The following LRP12 variants were observed in gnomAD, a reference collection of about 807,000 sequenced individuals.
LRP12 encodes low-density lipoprotein receptor-related protein 12.
LRP12 carries 14 observed loss-of-function variants against 66.0 expected under a neutral mutation model. The ratio of observed to expected loss-of-function variants is 0.21; its 90% CI spans 0.14 to 0.33. LRP12 has a LOEUF of 0.33. Ranked by LOEUF, LRP12 falls within the 10% of genes least tolerant of loss-of-function variation. LRP12 has a pLI of 1.00. For missense variants in LRP12, 889 were observed against 1,053.4 expected (o/e 0.84, Z 2.16); for synonymous variants, 357 against 359.1 (o/e 0.99, Z 0.07).
At chr8:104,513,110 A>C (rs1009501313) in intron 2 of LRP12, among the ~76,000 whole-genome samples, 2 of 152,212 alleles carry the variant, frequency 1.3e-5, no homozygotes, top group African/African-American at 4.8e-5. Flanking sequence ...GTAGACAAAT[A>C]TGCTGTAGCA....
At chr8:104,535,661 A>T (rs1056821792) in intron 1 of LRP12, among the ~76,000 whole-genome samples, 31 of 152,166 alleles carry the variant, frequency 2.0e-4, no homozygotes, top group African/African-American at 7.0e-4. Context: ...CAAATGAGAA[A>T]ACCAAAGCTT....
intron 1 of LRP12, among the ~76,000 whole-genome samples, chr8:104,534,049 G>A (rs1811362492): frequency 7.3e-6 from 1 of 137,002 alleles, no homozygotes; most frequent in Non-Finnish European, 1.5e-5. Context: ...ATAGGGCTTA[G>A]TGAAATTCTT....
intron 2 of LRP12, among the ~76,000 whole-genome samples, chr8:104,518,693 C>T (rs967221579): frequency 6.6e-6 from 1 of 152,028 alleles, no homozygotes; most frequent in Admixed American, 6.6e-5. Flanking sequence ...ACAGGCAGAA[C>T]TGACCAGCTT....
At chr8:104,584,409 C>G (rs992544559) in intron 1 of LRP12, among the ~76,000 whole-genome samples, 2 of 151,796 alleles carry the variant, frequency 1.3e-5, no homozygotes, top group Non-Finnish European at 2.9e-5. Context: ...AACAACATCT[C>G]ATATCAGAAA....
chr8:104,492,566 T>C (rs1390877909), intron 6 of LRP12, among the ~76,000 whole-genome samples: 1 of 152,138 alleles, frequency 6.6e-6, no homozygotes, highest in African/African-American at 2.4e-5. Flanking sequence ...ACCTCTTCCC[T>C]TTCCCCTCAC....
chr8:104,527,670 T>C (rs1395886671), intron 2 of LRP12, among the ~76,000 whole-genome samples: 1 of 151,912 alleles, frequency 6.6e-6, no homozygotes, highest in Admixed American at 6.6e-5. Flanking sequence ...CATCACACTC[T>C]GGGGACTGTT....
At chr8:104,514,383 CTTA>C (rs1564133083) in intron 2 of LRP12, among the ~76,000 whole-genome samples, 2 of 151,798 alleles carry the variant, frequency 1.3e-5, no homozygotes, top group African/African-American at 4.8e-5. Context: ...TTTGAGGTGG[CTTA>C]TTATTATAAT....
At chr8:104,586,424 C>T (rs1812334315) in intron 1 of LRP12, among the ~76,000 whole-genome samples, 1 of 152,216 alleles carries the variant, frequency 6.6e-6, no homozygotes, top group South Asian at 2.1e-4. Flanking sequence ...AATCAACCTG[C>T]TTTTCTTTGT....
intron 2 of LRP12, among the ~76,000 whole-genome samples, chr8:104,522,577 T>C (rs571486232): frequency 6.6e-6 from 1 of 152,166 alleles, no homozygotes; most frequent in African/African-American, 2.4e-5. Flanking sequence ...CAAGCTAACC[T>C]CAGACAGAGA....
chr8:104,548,322 TAATATATATTATATAAA>T (rs1337984860), intron 1 of LRP12, among the ~76,000 whole-genome samples: 871 of 18,452 alleles, frequency 0.047, 93 homozygotes, highest in African/African-American at 0.21. Context: ...TATAAATATA[TAATATATATTATATAAA>T]TATATAAATA....
chr8:104,580,372 A>T (rs1342887615), intron 1 of LRP12, among the ~76,000 whole-genome samples: 3 of 151,328 alleles, frequency 2.0e-5, no homozygotes, highest in African/African-American at 7.3e-5. Context: ...AAAAAAAAAA[A>T]AAAAAAAATT....
At chr8:104,511,419 A>G (rs905707316) in intron 2 of LRP12, among the ~76,000 whole-genome samples, 1 of 151,818 alleles carries the variant, frequency 6.6e-6, no homozygotes, top group Admixed American at 6.6e-5. Flanking sequence ...GCACTAGCAT[A>G]GGACACTACA....
chr8:104,534,985 GAT>G (rs1811374197), intron 1 of LRP12, among the ~76,000 whole-genome samples: 1 of 148,640 alleles, frequency 6.7e-6, no homozygotes, highest in Non-Finnish European at 1.5e-5. Context: ...AGCCATGTCA[GAT>G]ATTTTTTCAG....
intron 1 of LRP12, among the ~76,000 whole-genome samples, chr8:104,575,660 C>T (rs1419317188): frequency 1.3e-5 from 2 of 151,968 alleles, no homozygotes; most frequent in Non-Finnish European, 2.9e-5. Flanking sequence ...GTAGCAGGCC[C>T]ACAAGATGAG....
chr8:104,540,100 G>C (rs1216754395), intron 1 of LRP12, among the ~76,000 whole-genome samples: 1 of 151,984 alleles, frequency 6.6e-6, no homozygotes, highest in Non-Finnish European at 1.5e-5. Context: ...AATAAGGTAA[G>C]GGTGGGGGCT....
chr8:104,547,118 TATATC>T (rs200067648), intron 1 of LRP12, among the ~76,000 whole-genome samples: 4,400 of 145,146 alleles, frequency 0.03, 227 homozygotes, highest in African/African-American at 0.1. Context: ...ATAATTCTGT[TATATC>T]ATACTTTGTA....
At chr8:104,514,474 C>T (rs1482745651) in intron 2 of LRP12, among the ~76,000 whole-genome samples, 4 of 150,706 alleles carry the variant, frequency 2.7e-5, no homozygotes, top group Admixed American at 1.3e-4. Flanking sequence ...TTTGGGAGGC[C>T]GAGGCGGGTG....
intron 1 of LRP12, among the ~76,000 whole-genome samples, chr8:104,549,059 C>T (rs1221608891): frequency 6.6e-6 from 1 of 152,138 alleles, no homozygotes; most frequent in African/African-American, 2.4e-5. Context: ...TAGCCCATCT[C>T]TTTGCTTCAA....
intron 1 of LRP12, among the ~76,000 whole-genome samples, chr8:104,543,371 T>A (rs1422631105): frequency 1.3e-5 from 2 of 152,154 alleles, no homozygotes; most frequent in Non-Finnish European, 2.9e-5. Context: ...TGATCTGTGA[T>A]CTGAGATCTT....
Sources: gnomAD v4.1 joint callset for allele counts (sites outside exome capture counted in the v4.1 genomes callset) on GRCh38, gnomAD v4.1.1 for gene constraint, MANE v1.5 for transcripts, NCBI Gene and HGNC (gene_info 2026-07-23, HGNC 2026-07-21) for gene names.